C2CD3: variants seen among roughly 807,000 people sequenced by gnomAD.
The protein encoded by C2CD3 is C2 domain containing 3 centriole elongation regulator, also known as C2 domain-containing protein 3.
C2CD3 carries 148 observed loss-of-function variants against 234.0 expected under a neutral mutation model. The ratio of observed to expected loss-of-function variants is 0.63; its 90% CI spans 0.55 to 0.72. C2CD3 has a LOEUF of 0.72. Among genes scored for constraint, C2CD3 ranks in the 30% least tolerant of loss-of-function variants. The pLI is 0.00. For missense variants in C2CD3, 2,577 were observed against 2,811.5 expected (o/e 0.92, Z 1.89); for synonymous variants, 1,000 against 1,035.4 (o/e 0.97, Z 0.66).
chr11:74,131,595 T>A (rs1957683504), intron 7 of C2CD3, among the ~76,000 whole-genome samples: 1 of 151,930 alleles, frequency 6.6e-6, no homozygotes, highest in Non-Finnish European at 1.5e-5. Context: ...TTTCTTTTTT[T>A]TTTTGAGATG....
At chr11:74,117,103 T>TATATATATGAATATATATATATGA (rs1289953569) in intron 9 of C2CD3, among the ~76,000 whole-genome samples, 5 of 6,932 alleles carry the variant, frequency 7.2e-4, no homozygotes, top group African/African-American at 1.4e-3. Flanking sequence ...TATATATGAA[T>TATATATATGAATATATATATATGA]ATATATATAT....
At position 74,117,159 on chromosome 11, in the gene C2CD3, TATATATATATGA is replaced by T. The variant is rs1957039146; in HGVS notation, c.1520+1057_1520+1068del. Among the ~76,000 whole-genome samples, 13 of 6,722 alleles carry T rather than the reference TATATATATATGA, an allele frequency of 1.9e-3. 2 individuals carry two copies. Among genetic ancestry groups the T allele is most frequent in the African/African-American group, 0.011 (12 of 1,074 alleles). The allele number at this position is 6,722 out of a possible 152,430, so 4.4% of individuals were successfully genotyped here. A position where few individuals can be genotyped will look rare whatever the true frequency, so the allele number is the denominator to read the frequency against. ...ATATATATGAATATATATATATGAA[TATATATATATGA>T]ATATATATATATGAATATATATATA... On this transcript the variant is annotated intron_variant, in intron 9 of 32. Transcript: ENST00000334126.
In C2CD3 at chr11:74,078,733, A is replaced by G; in HGVS notation, c.4001-16T>C. 4 of 1,556,560 alleles carry G rather than the reference A, an allele frequency of 2.6e-6. No homozygotes were observed. The highest frequency in any genetic ancestry group is 3.5e-6 in the Non-Finnish European group (4 of 1,156,914). Reference sequence around the variant, plus strand: ...CCTGTGATCCCTTACGGGAGAAAATAAAGATTCTCAATTATAGTCTTAAAA... The same window carrying G: ...CCTGTGATCCCTTACGGGAGAAAATGAAGATTCTCAATTATAGTCTTAAAA... On this transcript the variant is annotated splice_polypyrimidine_tract_variant and intron_variant, in intron 22 of 32. Transcript: ENST00000334126.
intron 3 of C2CD3, among the ~76,000 whole-genome samples, chr11:74,146,727 C>CAA (rs1855222915): frequency 6.8e-6 from 1 of 146,244 alleles, no homozygotes; most frequent in Non-Finnish European, 1.5e-5. Flanking sequence ...CACACACACA[C>CAA]ACACACACAC....
chr11:74,052,901 ACT>A (rs1265664090), intron 26 of C2CD3, among the ~76,000 whole-genome samples: 1 of 152,134 alleles, frequency 6.6e-6, no homozygotes, highest in Admixed American at 6.5e-5. Context: ...AAAAACTGTG[ACT>A]CTGTAGGCTG....
At chr11:74,137,098 G>C (rs1359513092) in intron 5 of C2CD3, among the ~76,000 whole-genome samples, 1 of 150,252 alleles carries the variant, frequency 6.7e-6, no homozygotes, top group South Asian at 2.1e-4. Context: ...CTAGGCTCAA[G>C]TGATCCTCTT....
At chr11:74,131,157 TA>T (rs1957664113) in intron 7 of C2CD3, among the ~76,000 whole-genome samples, 1 of 151,682 alleles carries the variant, frequency 6.6e-6, no homozygotes, top group African/African-American at 2.4e-5. Context: ...TTTTGTTTTT[TA>T]TTCTATTGAT....
Position 74,040,417 on chromosome 11 carries a change from A to T in C2CD3, c.5660+1637T>A, listed in dbSNP as rs569585847. Among the ~76,000 whole-genome samples, 4 of 151,828 alleles carry T rather than the reference A, an allele frequency of 2.6e-5. No homozygotes were observed. In the East Asian group the frequency reaches 7.7e-4, roughly 29 times the overall value. On this transcript the variant is annotated intron_variant, in intron 29 of 32. Transcript: ENST00000334126. ...CTCATTAACCAAAAAGATTTTGTTG[A>T]TGTTTCTTTTCTGACTTTGCATTAT... is the stretch of plus-strand genomic sequence containing the variant.
chr11:74,133,162 G>A (rs1378249320), intron 6 of C2CD3, among the ~76,000 whole-genome samples, 190 bp from the exon 7 acceptor site: 1 of 152,156 alleles, frequency 6.6e-6, no homozygotes, highest in Admixed American at 6.5e-5. Flanking sequence ...TTTCTGTGAG[G>A]TAGGGAGAGA....
In C2CD3 at chr11:74,103,661, G is replaced by A. The variant is rs938871102; in HGVS notation, c.2086-36C>T. On this transcript the variant is annotated intron_variant, in intron 13 of 32. Coordinates refer to ENST00000334126, the MANE Select transcript of C2CD3 (RefSeq NM_001286577.2). ...CAAAAGGAGAAGAGTCAATAAGAAT[G>A]TCCTTTAGAATTGGAATTAGAATTT... 4 of 1,553,914 alleles carry A rather than the reference G, an allele frequency of 2.6e-6. No homozygotes were observed. In the African/African-American group the frequency reaches 5.5e-5, roughly 21 times the overall value.
intron 2 of C2CD3, among the ~76,000 whole-genome samples, chr11:74,166,165 C>A (rs945021270): frequency 2.6e-5 from 4 of 151,902 alleles, no homozygotes; most frequent in Non-Finnish European, 5.9e-5. Context: ...AAAAAATTAG[C>A]TGGGTGTCGT....
chr11:74,145,240 G>A lies in C2CD3; in HGVS notation c.484-5412C>T, dbSNP rs542264257. Among the ~76,000 whole-genome samples, 4 of 152,200 alleles carry A rather than the reference G, an allele frequency of 2.6e-5. No individual in the cohort carries two copies. The South Asian group carries it at 6.2e-4, about 24-fold the overall frequency. On this transcript the variant is annotated intron_variant, in intron 3 of 32. Coordinates refer to ENST00000334126, the MANE Select transcript of C2CD3 (RefSeq NM_001286577.2). ...ATCTTGTCAGCATATGTTATTTTTTGACTTTTTAATAATAGCCATTCTGAC... is the reference window on the plus strand; with the variant it reads ...ATCTTGTCAGCATATGTTATTTTTTAACTTTTTAATAATAGCCATTCTGAC...
chr11:74,028,972 A>AT (rs1952416329), intron 31 of C2CD3, among the ~76,000 whole-genome samples: 1 of 152,098 alleles, frequency 6.6e-6, no homozygotes, highest in African/African-American at 2.4e-5. Context: ...CTGCTTGCCT[A>AT]TTTTCTCTGC....
chr11:74,057,627 T>C, intron 24 of C2CD3, 83 bp from the exon 25 acceptor site: 2 of 1,416,720 alleles, frequency 1.4e-6, no homozygotes, highest in Admixed American at 1.8e-5. Context: ...GGACTATTCC[T>C]GGCCCTCTTC....
chr11:74,040,918 A>G (rs1953011297), intron 29 of C2CD3, among the ~76,000 whole-genome samples: 2 of 150,626 alleles, frequency 1.3e-5, no homozygotes, highest in African/African-American at 4.9e-5. Flanking sequence ...GCACACACAC[A>G]CACACACGCA....
At chr11:74,100,808 A>C in intron 14 of C2CD3, 132 bp from the exon 15 acceptor site, 1 of 702,708 alleles carries the variant, frequency 1.4e-6, no homozygotes, top group Non-Finnish European at 2.3e-6. Context: ...AAGACATTCA[A>C]ATAAAACTTA....
chr11:74,114,727 G>A lies in C2CD3; in HGVS notation c.1521-134C>T. On this transcript the variant is annotated intron_variant, in intron 9 of 32. Transcript: ENST00000334126. ...TTTTTTATTTTTATTTTTGACACAG[G>A]GTGTTGCTCTGTCACCCAGGCTGGA... 6.3e-6 allele frequency: 4 copies of A among 634,976 alleles called. No homozygotes were observed. In the South Asian group the frequency reaches 7.8e-5, roughly 12 times the overall value. 39.3% of individuals were successfully genotyped at this position (634,976 alleles called of 1,614,324 possible). A position where few individuals can be genotyped will look rare whatever the true frequency, so the allele number is the denominator to read the frequency against.
intron 7 of C2CD3, among the ~76,000 whole-genome samples, chr11:74,123,909 T>C (rs1957311679): frequency 6.6e-6 from 1 of 152,072 alleles, no homozygotes; most frequent in Non-Finnish European, 1.5e-5. Context: ...TGGCTAATTT[T>C]TGTATTTTTA....
intron 2 of C2CD3, among the ~76,000 whole-genome samples, chr11:74,163,629 C>T (rs1447734391): frequency 2.6e-5 from 4 of 152,154 alleles, no homozygotes; most frequent in South Asian, 2.1e-4. Flanking sequence ...ATGTGAAGGA[C>T]GTGTTTGCTT....
Sources: allele counts gnomAD v4.1 joint callset (sites outside exome capture counted in the v4.1 genomes callset), GRCh38; gene constraint gnomAD v4.1.1; transcripts MANE v1.5; gene names NCBI Gene and HGNC (gene_info 2026-07-23, HGNC 2026-07-21).